ANXA8: variants seen among roughly 807,000 people sequenced by gnomAD.
ANXA8 encodes the protein VAC-beta.
In ANXA8, 9 loss-of-function variants were observed where a neutral mutation model predicts 26.8. The observed-to-expected ratio is 0.34, with a 90% CI of 0.20 to 0.59. The LOEUF is 0.59. Ranked by LOEUF, ANXA8 falls within the 20% of genes least tolerant of loss-of-function variation. The pLI, the probability that ANXA8 is intolerant of heterozygous loss-of-function variation, is 0.84. For missense variants in ANXA8, 83 were observed against 238.5 expected, an observed-to-expected ratio of 0.35 and a Z score of 4.29; for synonymous variants, 39 against 94.8, an observed-to-expected ratio of 0.41 and a Z score of 3.42.
the ANXA8 span, among the ~76,000 whole-genome samples, chr10:47,670,793 A>G: frequency 6.6e-6 from 1 of 151,192 alleles, no homozygotes; most frequent in Non-Finnish European, 1.5e-5. Flanking sequence ...TGATTTTCAA[A>G]TCTTTTGCCT....
the ANXA8 span, among the ~76,000 whole-genome samples, chr10:47,899,010 T>A: frequency 1.3e-4 from 20 of 149,578 alleles, no homozygotes; most frequent in African/African-American, 3.7e-4. Flanking sequence ...ATTTTTGTAT[T>A]TTTTTTTAGT....
chr10:47,502,931 T>C, the ANXA8 span: 94 of 1,602,248 alleles, frequency 5.9e-5, 4 homozygotes, highest in East Asian at 7.8e-4. Flanking sequence ...AGGTGTTTCT[T>C]TTTATTGGCA....
the ANXA8 span, among the ~76,000 whole-genome samples, chr10:47,941,251 G>C: frequency 6.8e-6 from 1 of 146,556 alleles, no homozygotes; most frequent in African/African-American, 2.7e-5. Context: ...GCAGGCTGCT[G>C]TACCCTCCTC....
the ANXA8 span, chr10:47,565,004 G>A: frequency 2.3e-5 from 22 of 942,612 alleles, no homozygotes; most frequent in East Asian, 9.6e-5. Context: ...CCGTCTGGCC[G>A]GCATCTCCTG....
chr10:47,939,189 G>C, the ANXA8 span, among the ~76,000 whole-genome samples: 22 of 144,826 alleles, frequency 1.5e-4, 3 homozygotes, highest in African/African-American at 5.1e-4. Context: ...TGTAATCCCA[G>C]CTACTTGGGA....
At chr10:47,486,215 C>G (rs1244046628), upstream of ANXA8, among the ~76,000 whole-genome samples, 50 of 151,416 alleles carry the variant, frequency 3.3e-4, no homozygotes, top group Admixed American at 2.9e-3. Context: ...CTGATCTCTG[C>G]GAGAACAGGA....
chr10:47,618,146 A>T, the ANXA8 span, among the ~76,000 whole-genome samples: 1 of 110,010 alleles, frequency 9.1e-6, no homozygotes, highest in Non-Finnish European at 2.0e-5. Flanking sequence ...TGCTTAATGA[A>T]TGGAGGTTTG....
chr10:47,510,829 CA>C, the ANXA8 span, among the ~76,000 whole-genome samples: 29 of 27,298 alleles, frequency 1.1e-3, no homozygotes, highest in East Asian at 0.022. Flanking sequence ...GACTCCGTCT[CA>C]AAAAAAAAAA....
the ANXA8 span, among the ~76,000 whole-genome samples, chr10:47,707,367 G>T: frequency 1.4e-5 from 2 of 142,868 alleles, no homozygotes; most frequent in Admixed American, 1.4e-4. Flanking sequence ...AAATTGAAAA[G>T]TGGGACCTAA....
At chr10:47,683,223 ATTTTT>A in the ANXA8 span, among the ~76,000 whole-genome samples, 89 of 110,516 alleles carry the variant, frequency 8.1e-4, no homozygotes, top group African/African-American at 2.5e-3. Flanking sequence ...GCATTTACTA[ATTTTT>A]TTTTTTTTTT....
At chr10:47,488,255 G>C (rs1284998020), upstream of ANXA8, among the ~76,000 whole-genome samples, 11 of 141,318 alleles carry the variant, frequency 7.8e-5, no homozygotes, top group Admixed American at 7.2e-4. Context: ...CTGTCACCCA[G>C]GCTGGAGTGC....
At chr10:47,952,448 A>C in the ANXA8 span, among the ~76,000 whole-genome samples, 12 of 150,354 alleles carry the variant, frequency 8.0e-5, no homozygotes, top group Admixed American at 7.9e-4. Flanking sequence ...ACAAAAGATC[A>C]GTTGTTTTCC....
At chr10:47,646,819 C>T in the ANXA8 span, among the ~76,000 whole-genome samples, 2 of 152,024 alleles carry the variant, frequency 1.3e-5, no homozygotes, top group African/African-American at 2.4e-5. Flanking sequence ...AAAATTTGAA[C>T]TCATTCTCTT....
At chr10:47,504,349 A>T in the ANXA8 span, 1 of 1,313,750 alleles carries the variant, frequency 7.6e-7, no homozygotes, top group Non-Finnish European at 1.0e-6. Context: ...TTACCAAAGC[A>T]GTTTTTACAA....
At chr10:47,572,911 T>C in the ANXA8 span, among the ~76,000 whole-genome samples, 1 of 151,354 alleles carries the variant, frequency 6.6e-6, no homozygotes. Flanking sequence ...TTGAGAAGGA[T>C]TTTATCATTA....
chr10:47,669,101 C>T, the ANXA8 span, among the ~76,000 whole-genome samples: 2 of 151,840 alleles, frequency 1.3e-5, no homozygotes, highest in Admixed American at 6.6e-5. Context: ...TTATGTTTCC[C>T]TGCTCTGAAA....
At chr10:47,979,069 CAA>C in the ANXA8 span, among the ~76,000 whole-genome samples, 1 of 151,286 alleles carries the variant, frequency 6.6e-6, no homozygotes, top group African/African-American at 2.4e-5. Flanking sequence ...AAAATTATTA[CAA>C]GAGACAAAGA....
the ANXA8 span, chr10:47,568,106 C>T: frequency 6.4e-6 from 2 of 310,946 alleles, no homozygotes; most frequent in Admixed American, 9.1e-5. Context: ...GCGATCTCGG[C>T]TCACTGCAAC....
At chr10:47,552,414 T>C in the ANXA8 span, among the ~76,000 whole-genome samples, 1 of 151,664 alleles carries the variant, frequency 6.6e-6, no homozygotes, top group Non-Finnish European at 1.5e-5. Flanking sequence ...AACGAAGTGG[T>C]TTCCTAACTT....
Sources: gnomAD v4.1 joint callset for allele counts (sites outside exome capture counted in the v4.1 genomes callset) on GRCh38, gnomAD v4.1.1 for gene constraint, MANE v1.5 for transcripts, NCBI Gene and HGNC (gene_info 2026-07-23, HGNC 2026-07-21) for gene names.